OR10R2: variants seen among roughly 807,000 people sequenced by gnomAD.
OR10R2 encodes olfactory receptor family 10 subfamily R member 2.
A neutral mutation model predicts 2.4 loss-of-function variants in OR10R2; 1 was observed. That is an observed-to-expected ratio of 0.41 (90% CI 0.15 to 1.95). The LOEUF (loss-of-function observed/expected upper bound fraction) is 1.95. OR10R2 is among the 30% of genes most tolerant of loss of function. The pLI, the probability that OR10R2 is intolerant of heterozygous loss-of-function variation, is 0.30. For synonymous variants in OR10R2, 166 were observed against 144.8 expected (o/e 1.15, Z -1.05); for missense variants, 419 against 373.0 (o/e 1.12, Z -1.01).
At chr1:158,477,851 C>T (rs1457958095) in intron 1 of OR10R2, among the ~76,000 whole-genome samples, 1 of 151,984 alleles carries the variant, frequency 6.6e-6, no homozygotes, top group Non-Finnish European at 1.5e-5. Context: ...CCAAGTAACC[C>T]TAAAGAAAAA....
At chr1:158,475,062 T>C (rs1193574494) in intron 1 of OR10R2, among the ~76,000 whole-genome samples, 2 of 152,150 alleles carry the variant, frequency 1.3e-5, no homozygotes. Flanking sequence ...GCCTGTTTCA[T>C]AGATGAGACA....
chr1:158,479,622 T>A (rs1656340675), intron 1 of OR10R2, among the ~76,000 whole-genome samples: 1 of 152,200 alleles, frequency 6.6e-6, no homozygotes, highest in Non-Finnish European at 1.5e-5. Context: ...GAATTAAGGC[T>A]GCAGAAGGAA....
intron 1 of OR10R2, among the ~76,000 whole-genome samples, chr1:158,473,820 TCCCTCTTTCCCTCTCTGCTTCCTC>T (rs1330827648): frequency 1.9e-4 from 26 of 137,332 alleles, no homozygotes; most frequent in African/African-American, 6.3e-4. Flanking sequence ...CCTCCCTCCT[TCCCTCTTTCCCTCTCTGCTTCCTC>T]CCTCCCTCCT....
intron 1 of OR10R2, among the ~76,000 whole-genome samples, chr1:158,479,489 T>A (rs2101675350): frequency 6.6e-6 from 1 of 152,330 alleles, no homozygotes; most frequent in South Asian, 2.1e-4. Flanking sequence ...AATTGAATTG[T>A]TTTCTTAATA....
At chr1:158,472,586 A>C (rs1034231975) in intron 1 of OR10R2, among the ~76,000 whole-genome samples, 2 of 152,216 alleles carry the variant, frequency 1.3e-5, no homozygotes, top group Non-Finnish European at 2.9e-5. Context: ...GCTTGCAGAA[A>C]TTAAATTATC....
At chr1:158,478,093 G>A (rs1335168479) in intron 1 of OR10R2, among the ~76,000 whole-genome samples, 1 of 152,078 alleles carries the variant, frequency 6.6e-6, no homozygotes, top group Non-Finnish European at 1.5e-5. Context: ...GGGAATAGCT[G>A]GCTAGCCATC....
At chr1:158,479,956 A>C (rs748327929) in exon 2 of OR10R2, 1 of 1,613,950 alleles carries the variant, frequency 6.2e-7, no homozygotes, top group South Asian at 1.1e-5. Context: ...AGAAAACCTC[A>C]CCATGGTCAC....
At chr1:158,476,740 T>C (rs1053264416) in intron 1 of OR10R2, among the ~76,000 whole-genome samples, 1 of 152,144 alleles carries the variant, frequency 6.6e-6, no homozygotes, top group Admixed American at 6.5e-5. Context: ...ATCATTTCAA[T>C]GTGTAGATAC....
chr1:158,480,282 G>T (rs1192466177), exon 2 of OR10R2: 5 of 1,614,048 alleles, frequency 3.1e-6, no homozygotes, highest in Admixed American at 3.3e-5. Context: ...GCCTGCTATT[G>T]GGTGTGATGG....
chr1:158,472,630 G>C (rs1425472465), intron 1 of OR10R2, among the ~76,000 whole-genome samples: 1 of 152,206 alleles, frequency 6.6e-6, no homozygotes, highest in South Asian at 2.1e-4. Flanking sequence ...TCATTTTAAA[G>C]ATGTTAGCTA....
chr1:158,474,778 C>A (rs1397250454), intron 1 of OR10R2: 1 of 152,112 alleles, frequency 6.6e-6, no homozygotes, highest in Non-Finnish European at 1.5e-5. Flanking sequence ...ACTGGGTATG[C>A]TTTATTTTAA....
intron 1 of OR10R2, among the ~76,000 whole-genome samples, chr1:158,473,821 CCCTCTTTCCCTCTCTG>C (rs1656212308): frequency 1.5e-5 from 2 of 135,998 alleles, no homozygotes; most frequent in Non-Finnish European, 3.0e-5. Flanking sequence ...CTCCCTCCTT[CCCTCTTTCCCTCTCTG>C]CTTCCTCCCT....
In OR10R2 at chr1:158,480,412, GT is replaced by G; in HGVS notation, c.503del (p.Val168GlufsTer2). 2.5e-6 allele frequency: 4 copies of G among 1,614,078 alleles called. No homozygotes were observed. The highest frequency in any genetic ancestry group is 3.4e-6 in the Non-Finnish European group (4 of 1,179,986). ...TGGTGGCTTCTTGGCCTCTCTTACA[GT>G]AGTAAATTTAGTTTTCAGCCTCCCT... is the stretch of plus-strand genomic sequence containing the variant. On this transcript the variant is annotated frameshift_variant, in exon 2 of 2. Transcript: ENST00000641067. LOFTEE classifies it low-confidence loss of function (END_TRUNC).
rs62621279 is a variant in OR10R2 at position 158,479,968 on chromosome 1, G to A, written c.58G>A (p.Glu20Lys). Residue 20 changes from glutamate (E) to lysine (K), a missense_variant, in exon 2 of 2, where the codon GAA (glutamate) becomes AAA (lysine). Transcript: ENST00000641067. ...GGCAGAAAACCTCACCATGGTCACC[G>A]AATTCCTGTTGCTGGGTTTTTCCAG... 1.7e-3 allele frequency: 2,715 copies of A among 1,613,860 alleles called. 41 individuals carry two copies. In the African/African-American group the frequency reaches 0.025, roughly 15 times the overall value.
At chr1:158,473,600 C>T (rs1381748622) in intron 1 of OR10R2, among the ~76,000 whole-genome samples, 3 of 152,174 alleles carry the variant, frequency 2.0e-5, no homozygotes, top group Non-Finnish European at 2.9e-5. Flanking sequence ...TTTGCATGTT[C>T]AGTGAACTAA....
At chr1:158,477,984 A>G (rs1656302564) in intron 1 of OR10R2, among the ~76,000 whole-genome samples, 1 of 152,068 alleles carries the variant, frequency 6.6e-6, no homozygotes, top group Non-Finnish European at 1.5e-5. Context: ...CATAATAAAA[A>G]ACTAAGAAAG....
intron 1 of OR10R2, among the ~76,000 whole-genome samples, chr1:158,478,702 TG>T (rs1236927346): frequency 6.6e-6 from 1 of 152,160 alleles, no homozygotes; most frequent in African/African-American, 2.4e-5. Context: ...GGACTCCATG[TG>T]TGTCTATAGA....
chr1:158,479,821 A>G (rs1445365328), intron 1 of OR10R2, 117 bp from the exon 2 acceptor site: 19 of 1,039,506 alleles, frequency 1.8e-5, no homozygotes, highest in Non-Finnish European at 2.6e-5. Context: ...GAACCGGAAA[A>G]GGTGAATAAA....
At chr1:158,480,213 C>G in exon 2 of OR10R2, 1 of 1,613,920 alleles carries the variant, frequency 6.2e-7, no homozygotes, top group Non-Finnish European at 8.5e-7. Context: ...CCAGGACAAT[C>G]TCCTTCAACT....
Sources: allele counts gnomAD v4.1 joint callset (sites outside exome capture counted in the v4.1 genomes callset), GRCh38; gene constraint gnomAD v4.1.1; transcripts MANE v1.5; gene names NCBI Gene and HGNC (gene_info 2026-07-23, HGNC 2026-07-21).